RHAG: variants seen among roughly 807,000 people sequenced by gnomAD.
RHAG encodes the protein Rh associated glycoprotein.
A neutral mutation model predicts 42.4 loss-of-function variants in RHAG; 25 were observed. The observed-to-expected ratio is 0.59, with a 90% confidence interval of 0.43 to 0.82. The LOEUF (loss-of-function observed/expected upper bound fraction) is 0.82, where lower values mean the gene tolerates loss of function less well. RHAG is among the 40% of genes least tolerant of loss of function. The pLI, the probability that RHAG is intolerant of heterozygous loss-of-function variation, is 0.00. For missense variants in RHAG, 483 were observed against 504.6 expected (o/e 0.96, Z 0.41); for synonymous variants, 182 against 177.7 (o/e 1.02, Z -0.19).
intron 1 of RHAG, among the ~76,000 whole-genome samples, chr6:49,620,892 T>G (rs961583715): frequency 2.6e-5 from 4 of 152,104 alleles, no homozygotes; most frequent in African/African-American, 7.2e-5. Context: ...GAAATAGGTA[T>G]GAGGGAGGAT....
intron 1 of RHAG, among the ~76,000 whole-genome samples, chr6:49,621,487 G>C (rs1762759049): frequency 6.6e-6 from 1 of 152,110 alleles, no homozygotes; most frequent in Admixed American, 6.5e-5. Context: ...TTTCCCTCAG[G>C]TGTTGATCCT....
chr6:49,605,918 A>C, intron 9 of RHAG, 88 bp from the exon 10 acceptor site: 1 of 1,085,164 alleles, frequency 9.2e-7, no homozygotes. Context: ...ATTTTTGGTA[A>C]TTATTATTCA....
intron 3 of RHAG, among the ~76,000 whole-genome samples, chr6:49,616,705 G>GGTCT (rs1762660876): frequency 6.6e-6 from 1 of 152,032 alleles, no homozygotes; most frequent in Admixed American, 6.6e-5. Flanking sequence ...AAGTAAAAAG[G>GGTCT]GTCTCCTAGT....
At chr6:49,614,883 T>C (rs767369347) in intron 4 of RHAG, 30 bp from the exon 5 acceptor site, 10 of 1,602,338 alleles carry the variant, frequency 6.2e-6, no homozygotes, top group Non-Finnish European at 8.6e-6. Context: ...GGGATATTAG[T>C]TCTGAATATG....
chr6:49,625,140 C>G (rs1252096795), intron 1 of RHAG, among the ~76,000 whole-genome samples: 2 of 152,216 alleles, frequency 1.3e-5, no homozygotes, highest in African/African-American at 4.8e-5. Context: ...CATTCTCACC[C>G]TTTAAAAGTT....
Position 49,615,730 on chromosome 6 carries a change from C to T in RHAG, c.534G>A (p.Gly178=), listed in dbSNP as rs1762641869. ...CTGCTACAGCCAAGCCAAAGTAGGC[C>T]CCAAAGGCATGGATCGTCATTGATG... The part of the protein sequence containing the change: ...IGASMTIHAF[G]AYFGLAVAGI... The change falls in exon 4 of 10, where the codon GGG becomes GGA. Residue 178 remains glycine (G), a synonymous_variant. Transcript: ENST00000371175. The T allele has an allele frequency of 6.2e-7, 1 of 1,613,898 alleles. No individual in the cohort carries two copies. Among genetic ancestry groups the T allele is most frequent in the South Asian group, 1.1e-5 (1 of 91,078 alleles).
intron 1 of RHAG, chr6:49,631,857 C>T (rs1762941156): frequency 6.6e-6 from 1 of 152,202 alleles, no homozygotes; most frequent in East Asian, 1.9e-4. Flanking sequence ...TTCCAGGTAA[C>T]AATGCAGCAG....
chr6:49,618,030 G>A (rs1178935885), intron 3 of RHAG, 38 bp downstream of exon 3: 3 of 1,597,436 alleles, frequency 1.9e-6, no homozygotes, highest in African/African-American at 1.3e-5. Flanking sequence ...CAGAACTGAT[G>A]CCCAAAGCTA....
chr6:49,605,933 T>C, intron 9 of RHAG, 103 bp from the exon 10 acceptor site: 1 of 939,100 alleles, frequency 1.1e-6, no homozygotes, highest in Non-Finnish European at 1.8e-6. Context: ...TATTCAAGCT[T>C]GGAAAGAACT....
chr6:49,618,241 T>A lies in RHAG; in HGVS notation c.342-23A>T, dbSNP rs1562015219. 3 of 1,613,826 alleles carry A rather than the reference T, an allele frequency of 1.9e-6. No homozygotes were observed. The Admixed American group carries it at 5.0e-5, about 27-fold the overall frequency. ...ATGCTGAAGGGAAACAAGAATAAAT[T>A]GAAGAGTAATGCACACCCAACATAA... On this transcript the variant is annotated intron_variant, in intron 2 of 9. Coordinates refer to ENST00000371175, the MANE Select transcript of RHAG (RefSeq NM_000324.3).
chr6:49,624,137 C>T (rs896684948), intron 1 of RHAG, among the ~76,000 whole-genome samples: 3 of 152,170 alleles, frequency 2.0e-5, no homozygotes, highest in African/African-American at 2.4e-5. Flanking sequence ...CTGTTCTTAG[C>T]GTTCCCATCC....
At chr6:49,609,752 C>T (rs1033603753) in intron 7 of RHAG, among the ~76,000 whole-genome samples, 1 of 152,164 alleles carries the variant, frequency 6.6e-6, no homozygotes, top group African/African-American at 2.4e-5. Context: ...TTTTAATCTG[C>T]TAAAACTGAA....
chr6:49,635,432 G>A (rs1762996489), intron 1 of RHAG, among the ~76,000 whole-genome samples: 1 of 152,054 alleles, frequency 6.6e-6, no homozygotes, highest in African/African-American at 2.4e-5. Context: ...TAAATTTGCT[G>A]TAGCACATGC....
intron 1 of RHAG, among the ~76,000 whole-genome samples, chr6:49,625,378 C>G (rs1256908763): frequency 6.6e-6 from 1 of 152,214 alleles, no homozygotes; most frequent in Non-Finnish European, 1.5e-5. Flanking sequence ...TTTTAAACCT[C>G]AACTTTACCA....
chr6:49,625,932 A>G (rs1372473292), intron 1 of RHAG, among the ~76,000 whole-genome samples: 1 of 152,202 alleles, frequency 6.6e-6, no homozygotes, highest in Non-Finnish European at 1.5e-5. Flanking sequence ...ACTCCCCTTT[A>G]TAAAACCATC....
At chr6:49,627,021 C>T (rs1762854968) in intron 1 of RHAG, among the ~76,000 whole-genome samples, 1 of 152,236 alleles carries the variant, frequency 6.6e-6, no homozygotes, top group Non-Finnish European at 1.5e-5. Context: ...CCCATGAAGC[C>T]ATTTTTCCCT....
At chr6:49,615,001 G>A (rs1026816665) in intron 4 of RHAG, 148 bp from the exon 5 acceptor site, 11 of 743,424 alleles carry the variant, frequency 1.5e-5, no homozygotes, top group Non-Finnish European at 2.4e-5. Flanking sequence ...AGGCTGGAGT[G>A]CAGTGGCTTG....
chr6:49,606,968 A>G (rs1762480072), intron 8 of RHAG, 47 bp from the exon 9 acceptor site: 1 of 1,399,502 alleles, frequency 7.1e-7, no homozygotes, highest in African/African-American at 1.4e-5. Flanking sequence ...GCTGAAGAGG[A>G]AAATCTACTT....
Position 49,612,375 on chromosome 6 carries a change from T to G in RHAG, c.945+22A>C, listed in dbSNP as rs774285076. Reference sequence around the variant, plus strand: ...AAAAGGTGCAGATTCAGAGTTTGACTCAGAACATCTGCTGTACTTACAGTC... The same window carrying G: ...AAAAGGTGCAGATTCAGAGTTTGACGCAGAACATCTGCTGTACTTACAGTC... On this transcript the variant is annotated intron_variant, in intron 6 of 9. Coordinates refer to ENST00000371175, the MANE Select transcript of RHAG (RefSeq NM_000324.3). 3.1e-6 allele frequency: 5 copies of G among 1,613,426 alleles called. No individual in the cohort carries two copies. The African/African-American group carries it at 6.7e-5, about 22-fold the overall frequency.
Sources: allele counts gnomAD v4.1 joint callset (sites outside exome capture counted in the v4.1 genomes callset), GRCh38; gene constraint gnomAD v4.1.1; transcripts MANE v1.5; gene names NCBI Gene and HGNC (gene_info 2026-07-23, HGNC 2026-07-21).